The following BICDL2 variants were observed in gnomAD, a reference collection of about 807,000 sequenced individuals.
The protein encoded by BICDL2 is BICD family-like cargo adapter 2.
A neutral mutation model predicts 56.6 loss-of-function variants in BICDL2; 62 were observed. The observed-to-expected ratio is 1.10, with a 90% confidence interval of 0.89 to 1.35. The LOEUF is 1.35. Among genes scored for constraint, BICDL2 ranks in the 40% most tolerant of loss-of-function variants. The pLI is 0.00. For synonymous variants in BICDL2, 358 were observed against 319.8 expected, an observed-to-expected ratio of 1.12 and a Z score of -1.27; for missense variants, 808 against 684.5, an observed-to-expected ratio of 1.18 and a Z score of -2.01.
In BICDL2 at chr16:3,030,565, G is replaced by T; in HGVS notation, c.646C>A (p.Leu216Met). The part of the protein sequence containing the change: ...NQMLQSRRQD[L>M]EAQIRGLREE... ...CGCAGGCCTCGGATCTGGGCCTCCA[G>T]GTCCTGCCGGCGGCTCTGCAGCATC... Residue 216 changes from leucine (L) to methionine (M), a missense_variant, in exon 5 of 10, where the codon CTG (leucine) becomes ATG (methionine). Coordinates refer to ENST00000572449, the MANE Select transcript of BICDL2 (RefSeq NM_001369667.1). 6.3e-7 allele frequency: 1 copy of T among 1,597,406 alleles called. No homozygotes were observed. The highest frequency in any genetic ancestry group is 8.5e-7 in the Non-Finnish European group (1 of 1,176,056).
Position 3,035,449 on chromosome 16 carries a change from C to G in BICDL2, c.48G>C (p.Gly16=). ...CCTCGTCGCCGCTGGGAGAGGCGCCCCCTGAGAGCGGCCCGGACGGGAAGC... is the reference window on the plus strand; with the variant it reads ...CCTCGTCGCCGCTGGGAGAGGCGCCGCCTGAGAGCGGCCCGGACGGGAAGC... ...GPSFPSGPLS[G]GASPSGDEGF... The change falls in exon 2 of 10, where the codon GGG becomes GGC. Residue 16 remains glycine, a synonymous_variant. Transcript: ENST00000572449. 2 of 1,612,184 alleles carry G rather than the reference C, an allele frequency of 1.2e-6. No homozygotes were observed.
intron 1 of BICDL2, 183 bp from the exon 2 acceptor site, chr16:3,035,709 A>G (rs1955725400): frequency 6.8e-6 from 4 of 589,834 alleles, no homozygotes; most frequent in Non-Finnish European, 9.0e-6. Flanking sequence ...GGGTAAACTG[A>G]GGCAGGAAGC....
rs746456146 is a variant in BICDL2, at chr16:3,035,281, C to T, written c.216G>A (p.Leu72=). Residue 72 remains leucine (L), a synonymous_variant, in exon 2 of 10, where the codon CTG becomes CTA. Transcript: ENST00000572449. ...GCCGCCGCAGCTCTTCATTTCGCTC[C>T]AGAAGCATCTTGCCGAGCTCCGCGG... ...LLAAELGKML[L]ERNEELRRQL... The T allele has an allele frequency of 6.4e-7, 1 of 1,553,526 alleles. No homozygotes were observed. Among genetic ancestry groups the T allele is most frequent in the South Asian group, 1.2e-5 (1 of 84,474 alleles).
rs202141775 is a variant in BICDL2 at position 3,030,996 on chromosome 16, C to T, written c.437G>A (p.Arg146Gln). 2,135 of 1,553,494 alleles carry T rather than the reference C, an allele frequency of 1.4e-3. 3 individuals are homozygous for T. Among genetic ancestry groups the T allele is most frequent in the Non-Finnish European group, 1.7e-3 (1,944 of 1,155,768 alleles). Reference protein sequence around the residue: ...RSEQQDSGRERARALSELSEQ... With the variant: ...RSEQQDSGREQARALSELSEQ... ...GCTGAGCTCGCTGAGGGCCCGTGCC[C>T]GTTCTCGCCCACTGTCCTGCTGCTC... is the stretch of plus-strand genomic sequence containing the variant. The change falls in exon 3 of 10, where the codon CGG becomes CAG. Residue 146 changes from arginine to glutamine, a missense_variant. By Grantham distance (43) the Arg-to-Gln change is conservative. Coordinates refer to ENST00000572449, the MANE Select transcript of BICDL2 (RefSeq NM_001369667.1).
rs774205375 is a variant in BICDL2, at chr16:3,030,509, C to T, written c.702G>A (p.Leu234=). 3.5e-5 allele frequency: 56 copies of T among 1,603,632 alleles called. No individual in the cohort carries two copies. Among genetic ancestry groups the T allele is most frequent in the Non-Finnish European group, 4.7e-5 (56 of 1,179,242 alleles). ...GCAGCAACTCCTCGTGGGTGGTCTGCAGTCTGCCCTCACCCTTCTCCACCT... is the reference window on the plus strand; with the variant it reads ...GCAGCAACTCCTCGTGGGTGGTCTGTAGTCTGCCCTCACCCTTCTCCACCT... ...REEVEKGEGR[L]QTTHEELLLL... Residue 234 remains leucine, a synonymous_variant, in exon 5 of 10, where the codon CTG becomes CTA. Coordinates refer to ENST00000572449, the MANE Select transcript of BICDL2 (RefSeq NM_001369667.1).
chr16:3,030,423 T>C, intron 5 of BICDL2, 26 bp downstream of exon 5: 1 of 1,596,334 alleles, frequency 6.3e-7, no homozygotes, highest in Non-Finnish European at 8.5e-7. Context: ...TCCAGGCAGT[T>C]GTAGTCCCCC....
chr16:3,030,625 G>A (rs1955638828), intron 4 of BICDL2, 30 bp from the exon 5 acceptor site: 1 of 1,594,996 alleles, frequency 6.3e-7, no homozygotes. Context: ...CTGGGGACAG[G>A]GGCAGCCCCT....
chr16:3,034,052 A>C (rs12448664), intron 2 of BICDL2, among the ~76,000 whole-genome samples: 28,969 of 152,098 alleles, frequency 0.19, 3,258 homozygotes, highest in South Asian at 0.28. Context: ...CCAGAGCAAG[A>C]AGTGGGCCAA....
At position 3,030,917 on chromosome 16, in the gene BICDL2, G is replaced by C. The variant is rs1279444980; in HGVS notation, c.498+18C>G. ...CTCCCCAACCTTGTCCAGGGCCCTG[G>C]GGTCAGGGCCATCCCACCTGAGCCA... is the stretch of plus-strand genomic sequence containing the variant. On this transcript the variant is annotated intron_variant, in intron 3 of 9. Transcript: ENST00000572449. The C allele has an allele frequency of 6.5e-7, 1 of 1,544,158 alleles. No homozygotes were observed. The highest frequency in any genetic ancestry group is 8.7e-7 in the Non-Finnish European group (1 of 1,149,754).
At chr16:3,035,016 G>T in intron 2 of BICDL2, 199 bp downstream of exon 2, 1 of 603,026 alleles carries the variant, frequency 1.7e-6, no homozygotes, top group Non-Finnish European at 2.9e-6. Context: ...GGCACCCAGA[G>T]TTCATGTTCT....
chr16:3,029,159 T>G, intron 7 of BICDL2, 121 bp downstream of exon 7: 3 of 1,271,816 alleles, frequency 2.4e-6, no homozygotes, highest in Non-Finnish European at 3.3e-6. Flanking sequence ...AGTAAGTTTG[T>G]TGAGATGAAA....
chr16:3,035,857 G>GT (rs1198627705), intron 1 of BICDL2: 7 of 328,926 alleles, frequency 2.1e-5, no homozygotes, highest in Middle Eastern at 9.4e-4. Context: ...AGTTTGGCTT[G>GT]TAGCCCCTCG....
At chr16:3,029,461 G>T in intron 6 of BICDL2, 32 bp from the exon 7 acceptor site, 1 of 1,592,050 alleles carries the variant, frequency 6.3e-7, no homozygotes, top group Non-Finnish European at 8.5e-7. Context: ...TAGTGGTGTG[G>T]AGTTTATTGG....
chr16:3,032,308 C>T (rs1328477240), intron 2 of BICDL2: 1 of 152,276 alleles, frequency 6.6e-6, no homozygotes, highest in East Asian at 1.9e-4. Context: ...GCAGAGGCAA[C>T]ACAGCTTCAG....
At position 3,028,977 on chromosome 16, in the gene BICDL2, T is replaced by C. The variant is rs1054943802; in HGVS notation, c.1108-147A>G. On this transcript the variant is annotated intron_variant, in intron 7 of 9. Transcript: ENST00000572449. ...CGTGGCCCTGTGCTGGAGACTCCGA[T>C]ATGAGCCCTCTGAGCCCCTCAGGCT... 6.1e-5 allele frequency: 69 copies of C among 1,123,684 alleles called. 1 individual carries two copies. The highest frequency in any genetic ancestry group is 8.4e-5 in the Non-Finnish European group (68 of 809,166). The allele number at this position is 1,123,684 out of a possible 1,614,324, so 69.6% of individuals were successfully genotyped here.
intron 1 of BICDL2, chr16:3,036,245 G>C (rs1296977350): frequency 2.2e-6 from 1 of 454,826 alleles, no homozygotes; most frequent in Non-Finnish European, 4.4e-6. Flanking sequence ...CAGGGCCCTG[G>C]CGTGGGGCCC....
rs1186362095 is a variant in BICDL2, at chr16:3,030,515, G to A, written c.696C>T (p.Gly232=). The A allele has an allele frequency of 5.0e-6, 8 of 1,603,224 alleles. No individual in the cohort carries two copies. Among genetic ancestry groups the A allele is most frequent in the Non-Finnish European group, 5.9e-6 (7 of 1,179,094 alleles). ...ACTCCTCGTGGGTGGTCTGCAGTCT[G>A]CCCTCACCCTTCTCCACCTCCTCAC... ...GLREEVEKGE[G]RLQTTHEELL... Residue 232 remains glycine, a synonymous_variant, in exon 5 of 10, where the codon GGC becomes GGT. Coordinates refer to ENST00000572449, the MANE Select transcript of BICDL2 (RefSeq NM_001369667.1).
Position 3,027,941 on chromosome 16 carries a change from C to T in BICDL2, c.*165G>A. On this transcript the variant is annotated 3_prime_UTR_variant, in exon 10 of 10. Coordinates refer to ENST00000572449, the MANE Select transcript of BICDL2 (RefSeq NM_001369667.1). ...GGAGCTCCTGCCCCACAAAGCTGGC[C>T]CCTGCTCCGGATGAGCCCCTGCTCC... 9.0e-7 allele frequency: 1 copy of T among 1,109,348 alleles called. No individual in the cohort carries two copies. Among genetic ancestry groups the T allele is most frequent in the Non-Finnish European group, 1.2e-6 (1 of 823,522 alleles). The allele number at this position is 1,109,348 out of a possible 1,614,324, so 68.7% of individuals were successfully genotyped here. A position where few individuals can be genotyped will look rare whatever the true frequency, so the allele number is the denominator to read the frequency against.
intron 6 of BICDL2, 53 bp downstream of exon 6, chr16:3,029,492 C>G: frequency 3.8e-6 from 6 of 1,574,970 alleles, no homozygotes; most frequent in East Asian, 2.3e-5. Flanking sequence ...AAAGGCGGAG[C>G]CTGCAACCCT....
Sources: gnomAD v4.1 joint callset for allele counts (sites outside exome capture counted in the v4.1 genomes callset) on GRCh38, gnomAD v4.1.1 for gene constraint, MANE v1.5 for transcripts, NCBI Gene and HGNC (gene_info 2026-07-23, HGNC 2026-07-21) for gene names.